Variants in CYP19A1 observed in about 807,000 individuals in gnomAD.
CYP19A1 encodes the protein cytochrome P450 family 19 subfamily A member 1.
Under a neutral mutation model 44.4 loss-of-function variants are expected in CYP19A1, and 32 were observed. That is an observed-to-expected ratio of 0.72 (90% confidence interval 0.54 to 0.97). The LOEUF (loss-of-function observed/expected upper bound fraction) is 0.97. CYP19A1 is among the 50% of genes least tolerant of loss of function. The pLI is 0.00. For synonymous variants in CYP19A1, 212 were observed against 215.6 expected, an observed-to-expected ratio of 0.98 and a Z score of 0.14; for missense variants, 598 against 637.8, an observed-to-expected ratio of 0.94 and a Z score of 0.67.
At chr15:51,251,125 G>A (rs112803516) in intron 1 of CYP19A1, among the ~76,000 whole-genome samples, 34 of 152,264 alleles carry the variant, frequency 2.2e-4, no homozygotes, top group African/African-American at 7.7e-4. Context: ...GGACACTGAG[G>A]TGAGGGCGAA....
rs140352632 is a variant in CYP19A1, at chr15:51,223,045, C to T, written c.452-520G>A. On this transcript the variant is annotated intron_variant, in intron 4 of 9. Coordinates refer to ENST00000396402, the MANE Select transcript of CYP19A1 (RefSeq NM_000103.4). ...TAAAAGGCTAGTTGTAAAAATCCCC[C>T]AAAGTGCCCTTCTCTTAATTTTGAT... Among the ~76,000 whole-genome samples, 10 of 152,268 alleles carry T rather than the reference C, an allele frequency of 6.6e-5. No homozygotes were observed. The East Asian group carries it at 1.9e-3, about 29-fold the overall frequency.
At chr15:51,282,515 T>A (rs536512312) in intron 1 of CYP19A1, among the ~76,000 whole-genome samples, 1 of 152,330 alleles carries the variant, frequency 6.6e-6, no homozygotes, top group South Asian at 2.1e-4. Flanking sequence ...ACCTGTTTCT[T>A]TGTTTGACCA....
chr15:51,289,311 T>G (rs1289577768), intron 1 of CYP19A1, among the ~76,000 whole-genome samples: 2 of 152,208 alleles, frequency 1.3e-5, no homozygotes, highest in East Asian at 3.8e-4. Flanking sequence ...ATCATAAATT[T>G]GGGAAAAGGG....
In CYP19A1 at chr15:51,270,878, C is replaced by T. The variant is rs7167712; in HGVS notation, c.-38-27928G>A. Among the ~76,000 whole-genome samples, 346 of 152,238 alleles carry T rather than the reference C, an allele frequency of 2.3e-3. 1 individual carries two copies. The highest frequency in any genetic ancestry group is 8.1e-3 in the African/African-American group (338 of 41,534). On this transcript the variant is annotated intron_variant, in intron 1 of 9. Coordinates refer to ENST00000396402, the MANE Select transcript of CYP19A1 (RefSeq NM_000103.4). ...CCGACTGTCTTGTGTTCATTCAGCA[C>T]GTGGCCCTGTGGGTCTTGAGGCCTG... is the stretch of plus-strand genomic sequence containing the variant.
At chr15:51,245,024 T>C in intron 1 of CYP19A1, among the ~76,000 whole-genome samples, 1 of 152,326 alleles carries the variant, frequency 6.6e-6, no homozygotes, top group East Asian at 1.9e-4. Context: ...ATTTTACTAT[T>C]TTTGTTTGTT....
chr15:51,268,241 C>A (rs1474127627), intron 1 of CYP19A1, among the ~76,000 whole-genome samples: 1 of 152,242 alleles, frequency 6.6e-6, no homozygotes, highest in African/African-American at 2.4e-5. Context: ...CCATCACCCA[C>A]TTGTCACCCA....
intron 1 of CYP19A1, among the ~76,000 whole-genome samples, chr15:51,301,892 T>C (rs1041875239): frequency 6.6e-6 from 1 of 152,226 alleles, no homozygotes; most frequent in African/African-American, 2.4e-5. Flanking sequence ...AAAGTTAAGA[T>C]TTTCATAATT....
chr15:51,222,358 G>A lies in CYP19A1; in HGVS notation c.619C>T (p.Pro207Ser), dbSNP rs17853490. Residue 207 changes from proline (P) to serine (S), a missense_variant, in exon 5 of 10, where the codon CCT (proline) becomes TCT (serine). Pro to Ser is a moderately conservative substitution (Grantham distance 74, BLOSUM62 -1). Coordinates refer to ENST00000396402, the MANE Select transcript of CYP19A1 (RefSeq NM_000103.4). The part of the protein sequence containing the change: ...DTSNTLFLRI[P>S]LDESAIVVKI... ...GTGAAAATTTCAGTACCGTCCAAAG[G>A]GATCCTCAAGAAGAGCGTGTTAGAG... The A allele has an allele frequency of 6.2e-7, 1 of 1,614,086 alleles. No individual in the cohort carries two copies. Among genetic ancestry groups the A allele is most frequent in the East Asian group, 2.2e-5 (1 of 44,874 alleles).
At chr15:51,235,132 T>C (rs1891197593) in intron 3 of CYP19A1, among the ~76,000 whole-genome samples, 1 of 152,176 alleles carries the variant, frequency 6.6e-6, no homozygotes, top group African/African-American at 2.4e-5. Context: ...TAAAAGTGAC[T>C]CAAGTACTGA....
intron 1 of CYP19A1, among the ~76,000 whole-genome samples, chr15:51,287,563 C>T (rs1380572285): frequency 6.6e-6 from 1 of 152,242 alleles, no homozygotes; most frequent in East Asian, 1.9e-4. Context: ...AGAAGGCAGC[C>T]TCTCCCATGC....
intron 1 of CYP19A1, among the ~76,000 whole-genome samples, chr15:51,309,459 A>C (rs2036273058): frequency 6.6e-6 from 1 of 152,106 alleles, no homozygotes; most frequent in Non-Finnish European, 1.5e-5. Context: ...CCCACTCTTT[A>C]TTTTTAAATA....
intron 1 of CYP19A1, among the ~76,000 whole-genome samples, chr15:51,316,571 A>G (rs2036429901): frequency 6.6e-6 from 1 of 152,082 alleles, no homozygotes; most frequent in East Asian, 1.9e-4. Flanking sequence ...AGTCTCCCCT[A>G]TCAATTTTAT....
intron 1 of CYP19A1, among the ~76,000 whole-genome samples, chr15:51,326,050 G>T (rs1277002086): frequency 6.6e-6 from 1 of 152,176 alleles, no homozygotes; most frequent in Non-Finnish European, 1.5e-5. Context: ...GGTTGTATGG[G>T]TACTTGAAGT....
intron 1 of CYP19A1, chr15:51,255,574 A>C (rs900177644): frequency 1.3e-5 from 2 of 152,222 alleles, no homozygotes; most frequent in African/African-American, 4.8e-5. Flanking sequence ...TGGGATCAGC[A>C]CCACTGTTGA....
intron 1 of CYP19A1, among the ~76,000 whole-genome samples, chr15:51,268,781 G>A (rs928307959): frequency 2.6e-5 from 4 of 152,014 alleles, no homozygotes; most frequent in Non-Finnish European, 4.4e-5. Flanking sequence ...ATCTGATTGC[G>A]ATCTTAATTT....
intron 1 of CYP19A1, among the ~76,000 whole-genome samples, chr15:51,261,692 A>G (rs2034728065): frequency 6.6e-6 from 1 of 152,208 alleles, no homozygotes; most frequent in Non-Finnish European, 1.5e-5. Context: ...GGTAAAGAGA[A>G]CAGAAAGAGT....
At chr15:51,271,347 A>T (rs1459361197) in intron 1 of CYP19A1, among the ~76,000 whole-genome samples, 2 of 152,158 alleles carry the variant, frequency 1.3e-5, no homozygotes, top group African/African-American at 4.8e-5. Flanking sequence ...TAATGTACCC[A>T]TAAAAAATTA....
intron 1 of CYP19A1, among the ~76,000 whole-genome samples, chr15:51,286,639 A>G (rs1266823277): frequency 6.6e-6 from 1 of 152,044 alleles, no homozygotes; most frequent in Non-Finnish European, 1.5e-5. Flanking sequence ...AAAAACGAAG[A>G]CCCTTCCACC....
chr15:51,288,321 C>G (rs148756172), intron 1 of CYP19A1, among the ~76,000 whole-genome samples: 3 of 152,264 alleles, frequency 2.0e-5, no homozygotes, highest in African/African-American at 7.2e-5. Flanking sequence ...TGCCACCGCT[C>G]TGCCCACTGT....
Sources: gnomAD v4.1 joint callset for allele counts (sites outside exome capture counted in the v4.1 genomes callset) on GRCh38, gnomAD v4.1.1 for gene constraint, MANE v1.5 for transcripts, NCBI Gene and HGNC (gene_info 2026-07-23, HGNC 2026-07-21) for gene names.